LSAMP: variants seen among roughly 807,000 people sequenced by gnomAD.
LSAMP encodes limbic system associated membrane protein.
A neutral mutation model predicts 38.6 loss-of-function variants in LSAMP; 7 were observed. The ratio of observed to expected loss-of-function variants is 0.18; its 90% CI spans 0.10 to 0.34. LSAMP has a LOEUF of 0.34. LSAMP is among the 10% of genes least tolerant of loss of function. The pLI, the probability that LSAMP is intolerant of heterozygous loss-of-function variation, is 1.00. For missense variants in LSAMP, 313 were observed against 420.0 expected (o/e 0.75, Z 2.23); for synonymous variants, 154 against 166.8 (o/e 0.92, Z 0.59).
chr3:116,254,356 T>C (rs1338532433), intron 1 of LSAMP, among the ~76,000 whole-genome samples: 3 of 151,792 alleles, frequency 2.0e-5, no homozygotes, highest in East Asian at 3.9e-4. Flanking sequence ...TGATGTAATG[T>C]GGCCATGCAA....
intron 1 of LSAMP, among the ~76,000 whole-genome samples, chr3:116,174,437 T>A (rs1352989862): frequency 6.9e-6 from 1 of 144,218 alleles, no homozygotes. Flanking sequence ...AAACAGATAT[T>A]ATAAAAATAG....
chr3:116,060,198 G>GT (rs55818433), intron 2 of LSAMP, among the ~76,000 whole-genome samples: 32,978 of 141,884 alleles, frequency 0.23, 3,816 homozygotes, highest in Admixed American at 0.27. Flanking sequence ...AAGCAACATA[G>GT]TTTTTTTTTT....
At chr3:115,890,873 C>T (rs995647003) in intron 3 of LSAMP, among the ~76,000 whole-genome samples, 1 of 151,870 alleles carries the variant, frequency 6.6e-6, no homozygotes, top group Non-Finnish European at 1.5e-5. Flanking sequence ...TTGGGATCCT[C>T]AGCCCTTAGA....
At chr3:116,439,971 T>G (rs938037075) in intron 1 of LSAMP, among the ~76,000 whole-genome samples, 3 of 152,224 alleles carry the variant, frequency 2.0e-5, no homozygotes, top group African/African-American at 7.2e-5. Flanking sequence ...TCCCCCCGCC[T>G]CAGCCTCCCA....
chr3:116,430,000 T>C (rs572180924), intron 1 of LSAMP, among the ~76,000 whole-genome samples: 5 of 152,178 alleles, frequency 3.3e-5, no homozygotes, highest in Non-Finnish European at 5.9e-5. Context: ...GGCAAAAGTA[T>C]ATCAACACGT....
chr3:116,066,673 C>T (rs887101950), intron 2 of LSAMP, among the ~76,000 whole-genome samples: 33 of 152,148 alleles, frequency 2.2e-4, no homozygotes, highest in African/African-American at 7.7e-4. Flanking sequence ...AAATTAACAT[C>T]CTCAGTTGAC....
At chr3:116,310,947 T>C (rs1336667729) in intron 1 of LSAMP, among the ~76,000 whole-genome samples, 1 of 150,876 alleles carries the variant, frequency 6.6e-6, no homozygotes, top group Non-Finnish European at 1.5e-5. Context: ...TGGATATGAA[T>C]AGTTCACGGA....
At chr3:115,820,410 G>C (rs1490514242) in intron 6 of LSAMP, among the ~76,000 whole-genome samples, 2 of 152,198 alleles carry the variant, frequency 1.3e-5, no homozygotes, top group Non-Finnish European at 2.9e-5. Context: ...CTAGTATAGA[G>C]AATGTACTAG....
chr3:116,136,367 A>G (rs755872164), intron 1 of LSAMP, among the ~76,000 whole-genome samples: 7 of 152,198 alleles, frequency 4.6e-5, no homozygotes, highest in Admixed American at 1.3e-4. Flanking sequence ...GTCTATGCAC[A>G]TGCACCCACA....
chr3:115,967,129 T>A (rs1430114160), intron 3 of LSAMP, among the ~76,000 whole-genome samples: 1 of 152,232 alleles, frequency 6.6e-6, no homozygotes, highest in Non-Finnish European at 1.5e-5. Context: ...TTTCATGGTC[T>A]GTTTCCCTTT....
At chr3:116,377,387 A>C (rs1282009049) in intron 1 of LSAMP, among the ~76,000 whole-genome samples, 2 of 152,034 alleles carry the variant, frequency 1.3e-5, no homozygotes, top group Admixed American at 6.6e-5. Flanking sequence ...AGCTCCATAC[A>C]TGACCCTGCA....
chr3:115,836,506 A>G (rs1934792371), intron 6 of LSAMP, among the ~76,000 whole-genome samples: 1 of 152,166 alleles, frequency 6.6e-6, no homozygotes, highest in African/African-American at 2.4e-5. Context: ...GGCAGCTGCT[A>G]CTTGAGGAGG....
At chr3:116,121,428 C>T (rs543934700) in intron 1 of LSAMP, among the ~76,000 whole-genome samples, 3 of 152,268 alleles carry the variant, frequency 2.0e-5, no homozygotes, top group African/African-American at 7.2e-5. Context: ...TTTATCGAAA[C>T]TTTCTTATAA....
chr3:116,269,301 G>T (rs1559806472), intron 1 of LSAMP, among the ~76,000 whole-genome samples: 4 of 151,948 alleles, frequency 2.6e-5, no homozygotes, highest in African/African-American at 9.7e-5. Context: ...AATGCTAATG[G>T]CAATCTCTCT....
intron 1 of LSAMP, among the ~76,000 whole-genome samples, chr3:116,437,062 C>T (rs2049362902): frequency 6.6e-6 from 1 of 150,496 alleles, no homozygotes; most frequent in Non-Finnish European, 1.5e-5. Context: ...TATACACACA[C>T]ACAATGGAAT....
At chr3:116,335,500 G>A (rs928982785) in intron 1 of LSAMP, among the ~76,000 whole-genome samples, 2 of 152,016 alleles carry the variant, frequency 1.3e-5, no homozygotes, top group African/African-American at 2.4e-5. Context: ...GTGTGGCACT[G>A]GCATATAGAC....
intron 1 of LSAMP, among the ~76,000 whole-genome samples, chr3:116,319,792 G>GTT (rs879615588): frequency 6.4e-5 from 9 of 140,828 alleles, no homozygotes; most frequent in African/African-American, 2.4e-4. Flanking sequence ...TAGACTCAAA[G>GTT]TTTTTTTTTT....
intron 1 of LSAMP, among the ~76,000 whole-genome samples, chr3:116,129,749 G>A (rs1453348439): frequency 6.6e-6 from 1 of 152,200 alleles, no homozygotes; most frequent in Non-Finnish European, 1.5e-5. Flanking sequence ...TGTGCACATA[G>A]GAGCATATGC....
At chr3:116,353,443 A>T (rs544375042) in intron 1 of LSAMP, among the ~76,000 whole-genome samples, 1 of 152,234 alleles carries the variant, frequency 6.6e-6, no homozygotes, top group Non-Finnish European at 1.5e-5. Flanking sequence ...ATTACTTCGT[A>T]TGCAAAAGTT....
Sources: gnomAD v4.1 joint callset for allele counts (sites outside exome capture counted in the v4.1 genomes callset) on GRCh38, gnomAD v4.1.1 for gene constraint, MANE v1.5 for transcripts, NCBI Gene and HGNC (gene_info 2026-07-23, HGNC 2026-07-21) for gene names.